Variants in IL1RAPL1 observed in about 807,000 individuals in gnomAD.
IL1RAPL1 encodes interleukin-1 receptor accessory protein-like 1.
IL1RAPL1 carries 3 observed loss-of-function variants against 48.4 expected under a neutral mutation model. That is an observed-to-expected ratio of 0.06 (90% CI 0.03 to 0.16). IL1RAPL1 has a LOEUF of 0.16. Among genes scored for constraint, IL1RAPL1 ranks in the 10% least tolerant of loss-of-function variants. The probability of loss-of-function intolerance (pLI) is 1.00; values close to 1 mark genes in which losing one functional copy is unlikely to be tolerated. For missense variants in IL1RAPL1, 349 were observed against 530.6 expected (o/e 0.66, Z 3.36); for synonymous variants, 185 against 187.7 (o/e 0.99, Z 0.12).
rs559962248 is a variant in IL1RAPL1, at chrX:29,151,930, A to G, written c.83-131008A>G. 9.8e-5 allele frequency among the ~76,000 whole-genome samples: 11 copies of G among 111,918 alleles called. No homozygotes were observed. In the South Asian group the frequency reaches 4.1e-3, roughly 42 times the overall value. ...CTGTATTTGCTCTGCCAGCCTATATATTATTTCTAAATTAATCTTCTTAGT... is the reference window on the plus strand; with the variant it reads ...CTGTATTTGCTCTGCCAGCCTATATGTTATTTCTAAATTAATCTTCTTAGT... On this transcript the variant is annotated intron_variant, in intron 2 of 10. Coordinates refer to ENST00000378993, the MANE Select transcript of IL1RAPL1 (RefSeq NM_014271.4).
chrX:28,862,879 T>G (rs890360782), intron 2 of IL1RAPL1, among the ~76,000 whole-genome samples: 6 of 87,747 alleles, frequency 6.8e-5, no homozygotes, highest in Non-Finnish European at 8.9e-5. Flanking sequence ...TCATGGGAAA[T>G]TATGCCATTT....
chrX:29,347,890 T>C (rs1182436090), intron 3 of IL1RAPL1, among the ~76,000 whole-genome samples: 6 of 111,533 alleles, frequency 5.4e-5, no homozygotes, highest in South Asian at 7.6e-4. Context: ...AAGTGGCTAA[T>C]GGGCAGGTAG....
chrX:28,616,577 G>A (rs1934221740), intron 1 of IL1RAPL1, among the ~76,000 whole-genome samples: 1 of 110,700 alleles, frequency 9.0e-6, no homozygotes, highest in South Asian at 3.8e-4. Context: ...GGGACTACAG[G>A]CGTACGCCAC....
intron 2 of IL1RAPL1, among the ~76,000 whole-genome samples, chrX:29,254,769 C>A (rs1931725250): frequency 9.0e-6 from 1 of 111,315 alleles, no homozygotes; most frequent in African/African-American, 3.3e-5. Flanking sequence ...AATGATGCTG[C>A]TGTGAAATCA....
chrX:29,572,146 A>G (rs1354285400), intron 5 of IL1RAPL1, among the ~76,000 whole-genome samples: 2 of 112,046 alleles, frequency 1.8e-5, no homozygotes, highest in Non-Finnish European at 3.8e-5. Flanking sequence ...TTCTCAAACC[A>G]GTTTTGAATC....
chrX:29,528,706 C>T (rs1290249904), intron 5 of IL1RAPL1, among the ~76,000 whole-genome samples: 2 of 111,790 alleles, frequency 1.8e-5, no homozygotes, highest in Non-Finnish European at 3.8e-5. Context: ...ACCCAGGATA[C>T]GCTCCTTTTT....
At chrX:28,739,002 G>A (rs932521989) in intron 1 of IL1RAPL1, among the ~76,000 whole-genome samples, 1 of 110,540 alleles carries the variant, frequency 9.0e-6, no homozygotes, top group Non-Finnish European at 1.9e-5. Flanking sequence ...ATACCCTTTG[G>A]TGACACTCCA....
intron 6 of IL1RAPL1, among the ~76,000 whole-genome samples, chrX:29,839,706 A>G (rs1463670206): frequency 1.8e-5 from 2 of 112,236 alleles, no homozygotes; most frequent in South Asian, 3.7e-4. Context: ...ACTTGAGGCC[A>G]GGGGTTCAAG....
At chrX:28,733,269 A>G (rs1480347951) in intron 1 of IL1RAPL1, among the ~76,000 whole-genome samples, 1 of 111,365 alleles carries the variant, frequency 9.0e-6, no homozygotes, top group Non-Finnish European at 1.9e-5. Context: ...TAATGATACT[A>G]TTAATCCAAT....
chrX:29,092,143 C>T (rs1928104774), intron 2 of IL1RAPL1, among the ~76,000 whole-genome samples: 1 of 111,295 alleles, frequency 9.0e-6, no homozygotes, highest in Non-Finnish European at 1.9e-5. Flanking sequence ...TTCTAGGTGG[C>T]ACTTCAACTG....
intron 2 of IL1RAPL1, among the ~76,000 whole-genome samples, chrX:28,945,574 G>A (rs1000038961): frequency 1.1e-4 from 12 of 109,778 alleles, no homozygotes; most frequent in Non-Finnish European, 1.9e-4. Flanking sequence ...ACAGGGAGGG[G>A]AGCAACACAC....
intron 2 of IL1RAPL1, among the ~76,000 whole-genome samples, chrX:29,006,330 A>G (rs987526187): frequency 1.2e-4 from 13 of 110,386 alleles, no homozygotes; most frequent in African/African-American, 4.3e-4. Context: ...CCTGGCCAAC[A>G]TGGTAAAACC....
intron 6 of IL1RAPL1, among the ~76,000 whole-genome samples, chrX:29,736,951 A>G (rs1014881965): frequency 8.9e-6 from 1 of 111,878 alleles, no homozygotes; most frequent in African/African-American, 3.2e-5. Flanking sequence ...GGCCCGGGTA[A>G]GCATGAAGCA....
intron 1 of IL1RAPL1, among the ~76,000 whole-genome samples, chrX:28,758,810 C>A (rs755840526): frequency 8.9e-6 from 1 of 111,915 alleles, no homozygotes. Context: ...TTTGGAGGCA[C>A]CCACCAAAAA....
chrX:28,935,782 A>G (rs1482636196), intron 2 of IL1RAPL1, among the ~76,000 whole-genome samples: 1 of 111,710 alleles, frequency 9.0e-6, no homozygotes, highest in Non-Finnish European at 1.9e-5. Flanking sequence ...GAAGAGGAAT[A>G]CCTAATGCTG....
intron 2 of IL1RAPL1, among the ~76,000 whole-genome samples, chrX:28,937,695 CAAAT>C (rs202061332): frequency 0.016 from 1,736 of 111,136 alleles, 35 homozygotes; most frequent in African/African-American, 0.052. Context: ...GCAAGAGAAA[CAAAT>C]AAAGGACATC....
intron 2 of IL1RAPL1, among the ~76,000 whole-genome samples, chrX:28,949,626 T>C (rs983493002): frequency 4.5e-5 from 5 of 110,752 alleles, no homozygotes; most frequent in Non-Finnish European, 9.5e-5. Flanking sequence ...TTAATGATTG[T>C]CATTCTAACT....
intron 1 of IL1RAPL1, among the ~76,000 whole-genome samples, chrX:28,604,826 T>G (rs1460751436): frequency 1.8e-5 from 2 of 111,248 alleles, no homozygotes; most frequent in Admixed American, 1.9e-4. Context: ...TTTAACATGT[T>G]ATATTAAAAT....
chrX:28,608,763 G>A lies in IL1RAPL1; in HGVS notation c.-25+20716G>A, dbSNP rs146179958. 6.4e-3 allele frequency among the ~76,000 whole-genome samples: 713 copies of A among 111,881 alleles called. 6 individuals carry two copies. Among genetic ancestry groups the A allele is most frequent in the African/African-American group, 0.022 (678 of 30,834 alleles). ...AGGTCTAAATAATTTGAGATAGACA[G>A]CCCATTTTAAAATAACATTTTACTT... is the stretch of plus-strand genomic sequence containing the variant. On this transcript the variant is annotated intron_variant, in intron 1 of 10. Transcript: ENST00000378993.
Sources: gnomAD v4.1 joint callset for allele counts (sites outside exome capture counted in the v4.1 genomes callset) on GRCh38, gnomAD v4.1.1 for gene constraint, MANE v1.5 for transcripts, NCBI Gene and HGNC (gene_info 2026-07-23, HGNC 2026-07-21) for gene names.